LGMN: variants seen among roughly 807,000 people sequenced by gnomAD.
The protein encoded by LGMN is asparaginyl endopeptidase.
A neutral mutation model predicts 56.8 loss-of-function variants in LGMN; 36 were observed. The observed-to-expected ratio is 0.63, with a 90% CI of 0.49 to 0.84. The LOEUF is 0.84. Ranked by LOEUF, LGMN falls within the 40% of genes least tolerant of loss-of-function variation. LGMN has a pLI of 0.00. For synonymous variants in LGMN, 199 were observed against 210.1 expected (o/e 0.95, Z 0.46); for missense variants, 446 against 556.1 (o/e 0.80, Z 1.99).
intron 2 of LGMN, among the ~76,000 whole-genome samples, chr14:92,719,317 G>A (rs112983037): frequency 0.42 from 15,933 of 38,050 alleles, 2,756 homozygotes; most frequent in East Asian, 0.6. Flanking sequence ...CGCCACCGCC[G>A]CCGCCGCCAC....
In LGMN at chr14:92,709,541, G is replaced by A. The variant is rs943002149; in HGVS notation, c.1020+131C>T. 3.9e-6 allele frequency: 3 copies of A among 762,516 alleles called. No homozygotes were observed. In the African/African-American group the frequency reaches 5.2e-5, roughly 13 times the overall value. 47.2% of individuals were successfully genotyped at this position (762,516 alleles called of 1,614,324 possible). ...GCCCACCCGCTTCCGTTACATGGAGGACAAAGGCTGGCTTCTGTCCCCCCA... is the reference window on the plus strand; with the variant it reads ...GCCCACCCGCTTCCGTTACATGGAGAACAAAGGCTGGCTTCTGTCCCCCCA... On this transcript the variant is annotated intron_variant, in intron 11 of 13. Transcript: ENST00000334869.
chr14:92,713,838 G>A lies in LGMN; in HGVS notation c.528C>T (p.His176=), dbSNP rs755429590. 8.1e-6 allele frequency: 13 copies of A among 1,612,996 alleles called. No homozygotes were observed. The highest frequency in any genetic ancestry group is 1.1e-5 in the Non-Finnish European group (13 of 1,179,072). ...GCTGAATTACCTTTCGGTACATTTT[G>A]TGTTTGTACATGTAATGGATGGTCT... is the stretch of plus-strand genomic sequence containing the variant. The part of the protein sequence containing the change: ...LNETIHYMYK[H]KMYRKMVFYI... The change falls in exon 7 of 14, where the codon CAC becomes CAT. Residue 176 remains histidine, a synonymous_variant. Coordinates refer to ENST00000334869, the MANE Select transcript of LGMN (RefSeq NM_005606.7).
At chr14:92,748,249 C>G (rs1891903210) in intron 1 of LGMN, among the ~76,000 whole-genome samples, 1 of 152,038 alleles carries the variant, frequency 6.6e-6, no homozygotes, top group South Asian at 2.1e-4. Flanking sequence ...CCACAACACG[C>G]GTGAGAAACG....
intron 1 of LGMN, among the ~76,000 whole-genome samples, chr14:92,733,376 C>A (rs541299835): frequency 2.6e-5 from 4 of 152,072 alleles, no homozygotes; most frequent in Non-Finnish European, 4.4e-5. Flanking sequence ...AAAAGAATAT[C>A]CAGAAAGGGC....
intron 8 of LGMN, 136 bp downstream of exon 8, chr14:92,712,669 G>C (rs1390035021): frequency 1.4e-6 from 1 of 733,508 alleles, no homozygotes; most frequent in South Asian, 1.6e-5. Context: ...AGAGCTACCT[G>C]CAAGTATCTC....
intron 1 of LGMN, 44 bp from the exon 2 acceptor site, chr14:92,732,859 G>A (rs1595558352): frequency 1.3e-6 from 2 of 1,501,898 alleles, no homozygotes; most frequent in Non-Finnish European, 1.8e-6. Context: ...AACAAGAACT[G>A]ATAAACATTG....
intron 2 of LGMN, among the ~76,000 whole-genome samples, chr14:92,727,669 A>G (rs1259720407): frequency 2.0e-5 from 3 of 151,896 alleles, no homozygotes; most frequent in African/African-American, 7.3e-5. Context: ...CATCCTTCAA[A>G]CCCACGTCAA....
At chr14:92,713,232 T>C (rs1410204551) in intron 7 of LGMN, among the ~76,000 whole-genome samples, 1 of 151,992 alleles carries the variant, frequency 6.6e-6, no homozygotes, top group Admixed American at 6.6e-5. Context: ...CATGCAGGTT[T>C]TTTTTTGTTT....
intron 1 of LGMN, among the ~76,000 whole-genome samples, chr14:92,744,655 G>A (rs919353872): frequency 4.7e-5 from 7 of 150,388 alleles, no homozygotes; most frequent in Non-Finnish European, 1.0e-4. Context: ...GAGTGCAACG[G>A]CACGATCTTG....
At chr14:92,713,253 T>G (rs2140217193) in intron 7 of LGMN, among the ~76,000 whole-genome samples, 1 of 152,104 alleles carries the variant, frequency 6.6e-6, no homozygotes, top group African/African-American at 2.4e-5. Flanking sequence ...TGTTTTTTTG[T>G]TTTTTTAGTA....
At chr14:92,712,306 T>C (rs1291197337) in intron 8 of LGMN, among the ~76,000 whole-genome samples, 1 of 152,218 alleles carries the variant, frequency 6.6e-6, no homozygotes, top group Non-Finnish European at 1.5e-5. Flanking sequence ...CTGACATTTA[T>C]TGAAGAAACA....
intron 2 of LGMN, among the ~76,000 whole-genome samples, chr14:92,728,315 T>TCA (rs1478156240): frequency 6.6e-6 from 1 of 152,168 alleles, no homozygotes. Context: ...ACGATAGGGT[T>TCA]CACGCTCCTA....
At chr14:92,727,553 T>C (rs1413082183) in intron 2 of LGMN, among the ~76,000 whole-genome samples, 1 of 152,034 alleles carries the variant, frequency 6.6e-6, no homozygotes, top group Non-Finnish European at 1.5e-5. Flanking sequence ...TACATGCACT[T>C]GAAGGCACCC....
intron 2 of LGMN, among the ~76,000 whole-genome samples, chr14:92,719,077 G>A (rs1286496553): frequency 2.6e-5 from 4 of 151,806 alleles, no homozygotes; most frequent in African/African-American, 4.8e-5. Context: ...CGTGGGCTAC[G>A]TACACATTGC....
Position 92,711,757 on chromosome 14 carries a change from A to T in LGMN, c.730-9T>A, listed in dbSNP as rs1038587840. 6.2e-7 allele frequency: 1 copy of T among 1,613,946 alleles called. No individual in the cohort carries two copies. Among genetic ancestry groups the T allele is most frequent in the African/African-American group, 1.3e-5 (1 of 74,920 alleles). ...TCTTTAGTCAGATCTTCCTGCAAAAAGTGAGACCATTAGAGACCTTTGACA... is the reference window on the plus strand; with the variant it reads ...TCTTTAGTCAGATCTTCCTGCAAAATGTGAGACCATTAGAGACCTTTGACA... On this transcript the variant is annotated splice_polypyrimidine_tract_variant and intron_variant, in intron 9 of 13. Coordinates refer to ENST00000334869, the MANE Select transcript of LGMN (RefSeq NM_005606.7).
chr14:92,730,189 A>C (rs968872192), intron 2 of LGMN, among the ~76,000 whole-genome samples: 1 of 152,210 alleles, frequency 6.6e-6, no homozygotes, highest in African/African-American at 2.4e-5. Flanking sequence ...AGAGCTGAAC[A>C]GCTGTGTGCG....
At chr14:92,707,383 G>A (rs1229149084) in intron 11 of LGMN, among the ~76,000 whole-genome samples, 7 of 152,286 alleles carry the variant, frequency 4.6e-5, no homozygotes, top group South Asian at 2.1e-4. Context: ...TTCTCCAGGC[G>A]TGGTCCAGAA....
chr14:92,727,836 G>A (rs1890817319), intron 2 of LGMN, among the ~76,000 whole-genome samples: 1 of 152,128 alleles, frequency 6.6e-6, no homozygotes, highest in South Asian at 2.1e-4. Flanking sequence ...GGGGGCTCCT[G>A]ATCAGAGGGC....
chr14:92,736,038 G>A (rs996456439), intron 1 of LGMN, among the ~76,000 whole-genome samples: 7 of 152,154 alleles, frequency 4.6e-5, no homozygotes, highest in African/African-American at 1.7e-4. Flanking sequence ...TTTGGGGCAA[G>A]TCCACAGAAT....
Sources: allele counts gnomAD v4.1 joint callset (sites outside exome capture counted in the v4.1 genomes callset), GRCh38; gene constraint gnomAD v4.1.1; transcripts MANE v1.5; gene names NCBI Gene and HGNC (gene_info 2026-07-23, HGNC 2026-07-21).